MTMR14: variants seen among roughly 807,000 people sequenced by gnomAD.
The protein encoded by MTMR14 is myotubularin related protein 14, also known as phosphatidylinositol-3,5-bisphosphate 3-phosphatase MTMR14.
MTMR14 carries 48 observed loss-of-function variants against 86.3 expected under a neutral mutation model. The ratio of observed to expected loss-of-function variants is 0.56; its 90% CI spans 0.44 to 0.71. The LOEUF (loss-of-function observed/expected upper bound fraction) is 0.71, where lower values mean the gene tolerates loss of function less well. MTMR14 is among the 30% of genes least tolerant of loss of function. MTMR14 has a pLI of 0.00. For missense variants in MTMR14, 780 were observed against 834.6 expected (o/e 0.93, Z 0.81); for synonymous variants, 366 against 326.1 (o/e 1.12, Z -1.32).
chr3:9,690,340 C>T (rs376026296), intron 17 of MTMR14, among the ~76,000 whole-genome samples, 197 bp downstream of exon 17: 16 of 152,196 alleles, frequency 1.1e-4, no homozygotes, highest in Admixed American at 3.3e-4. Context: ...ACTCCTTCCT[C>T]GAACCCTAGC....
chr3:9,686,244 G>A (rs77946571), intron 13 of MTMR14, among the ~76,000 whole-genome samples: 1 of 152,230 alleles, frequency 6.6e-6, no homozygotes, highest in African/African-American at 2.4e-5. Context: ...CTCAGAGGCG[G>A]TGACTTTGGT....
At chr3:9,676,328 C>A (rs1252042807) in intron 7 of MTMR14, among the ~76,000 whole-genome samples, 2 of 152,252 alleles carry the variant, frequency 1.3e-5, no homozygotes, top group Non-Finnish European at 2.9e-5. Flanking sequence ...GGACCAGATG[C>A]TCTCTGTGCT....
In MTMR14 at chr3:9,701,230, AC is replaced by A. The variant is rs897984565; in HGVS notation, c.1770-557del. The A allele has an allele frequency of 1.2e-5, 2 of 164,096 alleles. No individual in the cohort carries two copies. Among genetic ancestry groups the A allele is most frequent in the African/African-American group, 2.4e-5 (1 of 41,508 alleles). The allele number at this position is 164,096 out of a possible 1,614,324, so 10.2% of individuals were successfully genotyped here. On this transcript the variant is annotated intron_variant, in intron 18 of 18. Coordinates refer to ENST00000296003, the MANE Select transcript of MTMR14 (RefSeq NM_001077525.3). This position sits in a 1 kb window ranked among gnomAD's most constrained non-coding sequence, Gnocchi z 4.2. ...GGGGCAAATTCCCTCCTGCTTAGCT[AC>A]CCTCCTTCCCAGTGATCGCAAAGAT...
In MTMR14 at chr3:9,673,344, T is replaced by C. The variant is rs150663689; in HGVS notation, c.751+586T>C. Among the ~76,000 whole-genome samples, 344 of 152,356 alleles carry C rather than the reference T, an allele frequency of 2.3e-3. 4 individuals are homozygous for C. Among genetic ancestry groups the C allele is most frequent in the East Asian group, 0.019 (99 of 5,186 alleles). ...ATTGGTATCCACAAAGCTGCATTTG[T>C]TCCTGGCACATAAAAGTGTGTGCAA... On this transcript the variant is annotated intron_variant, in intron 7 of 18. Coordinates refer to ENST00000296003, the MANE Select transcript of MTMR14 (RefSeq NM_001077525.3).
At chr3:9,655,461 CTTT>C (rs779901219) in intron 2 of MTMR14, among the ~76,000 whole-genome samples, 13 of 59,328 alleles carry the variant, frequency 2.2e-4, no homozygotes, top group Admixed American at 2.0e-4. Context: ...CCCTTGATGT[CTTT>C]TTTTTTTTTT....
chr3:9,657,739 C>G (rs923010631), intron 2 of MTMR14, among the ~76,000 whole-genome samples: 4 of 151,952 alleles, frequency 2.6e-5, no homozygotes, highest in African/African-American at 9.7e-5. Flanking sequence ...TTAGTAAAGA[C>G]GGGGTTTCAA....
chr3:9,696,953 G>C (rs888326121), intron 17 of MTMR14, among the ~76,000 whole-genome samples: 1 of 151,988 alleles, frequency 6.6e-6, no homozygotes, highest in African/African-American at 2.4e-5. Context: ...GGACAGAAGA[G>C]GGGGGTTGGC....
Position 9,649,577 on chromosome 3 carries a change from C to T in MTMR14, c.-7C>T. The stretch of plus-strand genomic sequence containing the variant: ...TGAGGCACACTGAGGGGACGCGGGG[C>T]TGGGCCATGGCCGGCGCTCGGGCCG... On this transcript the variant is annotated 5_prime_UTR_variant, in exon 1 of 19. Coordinates refer to ENST00000296003, the MANE Select transcript of MTMR14 (RefSeq NM_001077525.3). The T allele has an allele frequency of 1.3e-6, 2 of 1,542,164 alleles. No homozygotes were observed. The highest frequency in any genetic ancestry group is 1.7e-6 in the Non-Finnish European group (2 of 1,144,010).
intron 2 of MTMR14, among the ~76,000 whole-genome samples, chr3:9,654,374 T>A (rs2047477161): frequency 6.6e-6 from 1 of 152,188 alleles, no homozygotes; most frequent in Non-Finnish European, 1.5e-5. Flanking sequence ...ACATGTACGT[T>A]GTAAGAATTA....
Position 9,688,596 on chromosome 3 carries a change from G to T in MTMR14, c.1236-100G>T, listed in dbSNP as rs116508190. On this transcript the variant is annotated intron_variant, in intron 14 of 18. Coordinates refer to ENST00000296003, the MANE Select transcript of MTMR14 (RefSeq NM_001077525.3). ...TAGGACCCGTCTCCACAAGTTGCCA[G>T]TGAATTGAGCTGCTTTCCAGGACAG... is the stretch of plus-strand genomic sequence containing the variant. The T allele has an allele frequency of 4.3e-6, 6 of 1,410,244 alleles. No homozygotes were observed. The African/African-American group carries it at 8.5e-5, about 20-fold the overall frequency. 87.4% of individuals were successfully genotyped at this position (1,410,244 alleles called of 1,614,324 possible). A position where few individuals can be genotyped will look rare whatever the true frequency, so the allele number is the denominator to read the frequency against.
chr3:9,655,207 A>G (rs2047525291), intron 2 of MTMR14, among the ~76,000 whole-genome samples: 1 of 151,836 alleles, frequency 6.6e-6, no homozygotes, highest in South Asian at 2.1e-4. Flanking sequence ...TCCCTACTAA[A>G]ATTACAAAAA....
intron 17 of MTMR14, among the ~76,000 whole-genome samples, chr3:9,693,375 A>G (rs758186107): frequency 3.9e-5 from 6 of 152,246 alleles, no homozygotes; most frequent in Non-Finnish European, 7.3e-5. Flanking sequence ...CTCTTGAACA[A>G]TGCAGGGATT....
chr3:9,670,883 A>G (rs745484278), intron 5 of MTMR14, among the ~76,000 whole-genome samples, 165 bp from the exon 6 acceptor site: 3 of 152,130 alleles, frequency 2.0e-5, no homozygotes, highest in Non-Finnish European at 4.4e-5. Flanking sequence ...CTTCCCTGCA[A>G]CCTCGCTGAA....
At chr3:9,696,158 A>G (rs566073371) in intron 17 of MTMR14, among the ~76,000 whole-genome samples, 7 of 152,322 alleles carry the variant, frequency 4.6e-5, no homozygotes, top group South Asian at 4.1e-4. Context: ...CCTGGTCCCA[A>G]GGTGGTTCTG....
intron 3 of MTMR14, among the ~76,000 whole-genome samples, chr3:9,667,484 C>T (rs908208451): frequency 6.6e-6 from 1 of 151,612 alleles, no homozygotes; most frequent in Non-Finnish European, 1.5e-5. Flanking sequence ...ATCAGATTTT[C>T]AAATTGCTTT....
In MTMR14 at chr3:9,687,908, A is replaced by T; in HGVS notation, c.1235+17A>T. Reference sequence around the variant, plus strand: ...GACCCAGAGGTAAGTGGAGGCCTGCACGTGTCATGCTGGGCCAGGGCGCTC... The same window carrying T: ...GACCCAGAGGTAAGTGGAGGCCTGCTCGTGTCATGCTGGGCCAGGGCGCTC... On this transcript the variant is annotated intron_variant, in intron 14 of 18. Transcript: ENST00000296003. 1 of 1,579,126 alleles carries T rather than the reference A, an allele frequency of 6.3e-7. No individual in the cohort carries two copies. Among genetic ancestry groups the T allele is most frequent in the Non-Finnish European group, 8.6e-7 (1 of 1,159,950 alleles).
In MTMR14 at chr3:9,649,716, G is replaced by A. The variant is rs1172719911; in HGVS notation, c.133G>A (p.Asp45Asn). Residue 45 changes from aspartate (D) to asparagine (N), a missense_variant, in exon 1 of 19, where the codon GAT (aspartate) becomes AAT (asparagine). Transcript: ENST00000296003. ...EFSRTQYRAK[D>N]GSGTGGSKVE... ...CTCCCGGACTCAGTACCGGGCCAAGGATGGCAGCGGGACCGGCGGCTCTAA... is the reference window on the plus strand; with the variant it reads ...CTCCCGGACTCAGTACCGGGCCAAGAATGGCAGCGGGACCGGCGGCTCTAA... The A allele has an allele frequency of 1.2e-6, 2 of 1,613,566 alleles. No homozygotes were observed. Among genetic ancestry groups the A allele is most frequent in the Non-Finnish European group, 1.7e-6 (2 of 1,179,836 alleles).
intron 2 of MTMR14, chr3:9,659,690 G>C (rs745726846): frequency 2.2e-6 from 1 of 454,932 alleles, no homozygotes; most frequent in African/African-American, 2.0e-5. Context: ...GTGATCTGCC[G>C]CCTGAGCCTC....
chr3:9,680,802 A>T (rs989924675), intron 9 of MTMR14, among the ~76,000 whole-genome samples: 2 of 152,114 alleles, frequency 1.3e-5, no homozygotes, highest in Admixed American at 1.3e-4. Flanking sequence ...GCGCCACTAC[A>T]CTCCAGCCTG....
Sources: allele counts gnomAD v4.1 joint callset (sites outside exome capture counted in the v4.1 genomes callset), GRCh38; gene constraint gnomAD v4.1.1; non-coding constraint Gnocchi (gnomAD v3.1); transcripts MANE v1.5; gene names NCBI Gene and HGNC (gene_info 2026-07-23, HGNC 2026-07-21).